MS4A4E: variants seen among roughly 807,000 people sequenced by gnomAD.
MS4A4E encodes putative membrane-spanning 4-domains subfamily A member 4E.
Under a neutral mutation model 13.3 loss-of-function variants are expected in MS4A4E, and 23 were observed. The ratio of observed to expected loss-of-function variants is 1.73; its 90% CI spans 1.25 to 2.45. The LOEUF (loss-of-function observed/expected upper bound fraction) is 2.45, where lower values mean the gene tolerates loss of function less well. Among genes scored for constraint, MS4A4E ranks in the 30% most tolerant of loss-of-function variants. MS4A4E has a pLI of 0.00. For synonymous variants in MS4A4E, 36 were observed against 45.6 expected, an observed-to-expected ratio of 0.79 and a Z score of 0.85; for missense variants, 144 against 131.2, an observed-to-expected ratio of 1.10 and a Z score of -0.48.
chr11:60,234,969 C>G (rs547947045), intron 1 of MS4A4E, among the ~76,000 whole-genome samples: 1 of 151,896 alleles, frequency 6.6e-6, no homozygotes, highest in East Asian at 1.9e-4. Context: ...ATGAAATACT[C>G]CATGCAAATA....
intron 1 of MS4A4E, among the ~76,000 whole-genome samples, chr11:60,240,420 T>C (rs73485342): frequency 0.013 from 2,052 of 152,304 alleles, 51 homozygotes; most frequent in African/African-American, 0.046. Context: ...CGGTGTCCAT[T>C]TGTAGCCTTG....
At chr11:60,241,397 G>T (rs2084549731) in intron 1 of MS4A4E, among the ~76,000 whole-genome samples, 1 of 152,180 alleles carries the variant, frequency 6.6e-6, no homozygotes, top group Non-Finnish European at 1.5e-5. Context: ...AGGACATGTT[G>T]GGTCTGTCTT....
chr11:60,236,194 T>C (rs2084480225), intron 1 of MS4A4E, among the ~76,000 whole-genome samples: 1 of 152,254 alleles, frequency 6.6e-6, no homozygotes, highest in African/African-American at 2.4e-5. Flanking sequence ...CCACACTGTC[T>C]TAAAATTATA....
chr11:60,231,567 T>C (rs1028216549), intron 1 of MS4A4E, among the ~76,000 whole-genome samples: 8 of 152,072 alleles, frequency 5.3e-5, no homozygotes, highest in Non-Finnish European at 1.0e-4. Context: ...TGGGGGAAAA[T>C]GTAGAAACAG....
intron 6 of MS4A4E, chr11:60,206,761 T>C (rs908441503): frequency 8.6e-6 from 2 of 232,698 alleles, no homozygotes; most frequent in Non-Finnish European, 2.0e-5. Flanking sequence ...CAGAATGCCA[T>C]AGGTGAGTCA....
intron 1 of MS4A4E, among the ~76,000 whole-genome samples, chr11:60,238,636 C>T (rs2084512718): frequency 1.3e-5 from 2 of 152,112 alleles, no homozygotes; most frequent in South Asian, 2.1e-4. Context: ...TTGATTTACT[C>T]TAATGTGTTT....
chr11:60,215,219 A>G (rs1323386592), intron 3 of MS4A4E, among the ~76,000 whole-genome samples: 1 of 151,962 alleles, frequency 6.6e-6, no homozygotes, highest in East Asian at 1.9e-4. Context: ...CCTAATATAA[A>G]GAAACTGGAC....
intron 3 of MS4A4E, among the ~76,000 whole-genome samples, chr11:60,223,713 G>A (rs1003413257): frequency 5.9e-5 from 9 of 152,118 alleles, no homozygotes; most frequent in African/African-American, 2.2e-4. Context: ...ACACTAGACT[G>A]GTTTAGTCTC....
At chr11:60,232,965 C>T (rs920154056) in intron 1 of MS4A4E, among the ~76,000 whole-genome samples, 1 of 152,152 alleles carries the variant, frequency 6.6e-6, no homozygotes, top group African/African-American at 2.4e-5. Context: ...CTGTGCTCCA[C>T]TCTCTGGGCA....
At chr11:60,217,992 T>C (rs1197845743) in intron 3 of MS4A4E, among the ~76,000 whole-genome samples, 1 of 152,218 alleles carries the variant, frequency 6.6e-6, no homozygotes, top group Non-Finnish European at 1.5e-5. Context: ...ATATTTCTCT[T>C]CTTTCAAAAG....
At chr11:60,223,269 CTTTT>C (rs751389513) in intron 3 of MS4A4E, among the ~76,000 whole-genome samples, 8 of 151,934 alleles carry the variant, frequency 5.3e-5, no homozygotes, top group Admixed American at 1.3e-4. Context: ...TATTTTCTTT[CTTTT>C]TTCTTTACCA....
chr11:60,241,881 C>A (rs2084557054), intron 1 of MS4A4E, among the ~76,000 whole-genome samples: 1 of 152,144 alleles, frequency 6.6e-6, no homozygotes, highest in African/African-American at 2.4e-5. Context: ...TCCTCCCCAC[C>A]CCGGATAAAG....
chr11:60,207,352 G>A (rs1029356469), intron 6 of MS4A4E, among the ~76,000 whole-genome samples: 13 of 152,066 alleles, frequency 8.5e-5, no homozygotes, highest in African/African-American at 2.7e-4. Flanking sequence ...GAGCCAAAGG[G>A]AACACAGACT....
At chr11:60,223,398 T>C (rs568360345) in intron 3 of MS4A4E, among the ~76,000 whole-genome samples, 14 of 152,344 alleles carry the variant, frequency 9.2e-5, no homozygotes, top group African/African-American at 3.4e-4. Flanking sequence ...AGCTGCATTA[T>C]GTTAGGCATA....
At chr11:60,237,270 C>T (rs1403321978) in intron 1 of MS4A4E, among the ~76,000 whole-genome samples, 1 of 152,144 alleles carries the variant, frequency 6.6e-6, no homozygotes, top group Non-Finnish European at 1.5e-5. Flanking sequence ...CTGCAATGAA[C>T]ATGATCTTGT....
rs556719466 is a variant in MS4A4E at position 60,232,321 on chromosome 11, A to ACACACACACACACC, written c.-16-2251_-16-2250insGGTGTGTGTGTGTG. Among the ~76,000 whole-genome samples, 38 of 147,434 alleles carry ACACACACACACACC rather than the reference A, an allele frequency of 2.6e-4. 2 individuals carry two copies. Among genetic ancestry groups the ACACACACACACACC allele is most frequent in the East Asian group, 1.6e-3 (8 of 5,044 alleles). On this transcript the variant is annotated intron_variant, in intron 1 of 8. Coordinates refer to ENST00000651255, the MANE Select transcript of MS4A4E (RefSeq NM_001393391.1). ...CACACACACACACACACACACACAC[A>ACACACACACACACC]CCAAAAATGAATAAACAACTACATT...
At chr11:60,227,906 G>A (rs781142805) in intron 3 of MS4A4E, among the ~76,000 whole-genome samples, 5 of 150,942 alleles carry the variant, frequency 3.3e-5, no homozygotes, top group Non-Finnish European at 7.4e-5. Context: ...GGCAAAAATT[G>A]AACTTAGACA....
intron 1 of MS4A4E, among the ~76,000 whole-genome samples, chr11:60,240,410 C>T (rs770938965): frequency 5.3e-5 from 8 of 152,268 alleles, no homozygotes; most frequent in Non-Finnish European, 1.0e-4. Flanking sequence ...GAATGTTCCC[C>T]GGTGTCCATT....
intron 1 of MS4A4E, among the ~76,000 whole-genome samples, chr11:60,241,472 T>C (rs946967477): frequency 6.6e-6 from 1 of 151,584 alleles, no homozygotes; most frequent in Non-Finnish European, 1.5e-5. Flanking sequence ...GTAAGCTTCC[T>C]GAGGGCCGAG....
Sources: allele counts gnomAD v4.1 joint callset (sites outside exome capture counted in the v4.1 genomes callset), GRCh38; gene constraint gnomAD v4.1.1; transcripts MANE v1.5; gene names NCBI Gene and HGNC (gene_info 2026-07-23, HGNC 2026-07-21).